The following FUT8 variants were observed in gnomAD, a reference collection of about 807,000 sequenced individuals.
FUT8 encodes alpha-(1,6)-fucosyltransferase.
FUT8 carries 29 observed loss-of-function variants against 71.3 expected under a neutral mutation model. The ratio of observed to expected loss-of-function variants is 0.41; its 90% CI spans 0.30 to 0.55. The LOEUF (loss-of-function observed/expected upper bound fraction) is 0.55, where lower values mean the gene tolerates loss of function less well. Ranked by LOEUF, FUT8 falls within the 20% of genes least tolerant of loss-of-function variation. The pLI, the probability that FUT8 is intolerant of heterozygous loss-of-function variation, is 0.34. For missense variants in FUT8, 544 were observed against 702.1 expected (o/e 0.77, Z 2.55); for synonymous variants, 254 against 239.3 (o/e 1.06, Z -0.57).
intron 5 of FUT8, among the ~76,000 whole-genome samples, chr14:65,628,835 A>C (rs1205943523): frequency 6.6e-6 from 1 of 152,238 alleles, no homozygotes; most frequent in East Asian, 1.9e-4. Flanking sequence ...CCCAGAGACC[A>C]AATCTGGCTC....
intron 7 of FUT8, among the ~76,000 whole-genome samples, chr14:65,704,761 T>C (rs765231872): frequency 1.3e-5 from 2 of 152,226 alleles, no homozygotes; most frequent in Non-Finnish European, 2.9e-5. Flanking sequence ...GCCTTCTGTT[T>C]AGTGGCATGA....
intron 3 of FUT8, among the ~76,000 whole-genome samples, chr14:65,610,815 T>A (rs1055694103): frequency 1.3e-5 from 2 of 151,980 alleles, no homozygotes; most frequent in African/African-American, 2.4e-5. Flanking sequence ...AGAATTACAT[T>A]GATTTATTTT....
chr14:65,452,382 A>T (rs1011846858), intron 1 of FUT8, among the ~76,000 whole-genome samples: 2 of 152,182 alleles, frequency 1.3e-5, no homozygotes, highest in African/African-American at 4.8e-5. Flanking sequence ...AAGCAGCAAA[A>T]GACATTGATC....
chr14:65,694,490 G>T (rs1893881949), intron 7 of FUT8, among the ~76,000 whole-genome samples: 1 of 152,040 alleles, frequency 6.6e-6, no homozygotes, highest in African/African-American at 2.4e-5. Context: ...AGCATACTTT[G>T]TATGATATCT....
chr14:65,498,698 A>T (rs1039126654), intron 2 of FUT8, among the ~76,000 whole-genome samples: 2 of 152,336 alleles, frequency 1.3e-5, no homozygotes, highest in East Asian at 3.9e-4. Context: ...TAAAACTTCT[A>T]GTAGGCTTTT....
At chr14:65,426,130 T>C (rs2065383265) in intron 1 of FUT8, among the ~76,000 whole-genome samples, 2 of 152,134 alleles carry the variant, frequency 1.3e-5, no homozygotes, top group South Asian at 4.1e-4. Context: ...ACCCCAGCCC[T>C]TGGCAACCAC....
chr14:65,372,152 A>G, the FUT8 span, among the ~76,000 whole-genome samples: 1 of 151,872 alleles, frequency 6.6e-6, no homozygotes, highest in Non-Finnish European at 1.5e-5. Context: ...TCCTGTTCCC[A>G]ATGCCACCTC....
rs370149990 is a variant in FUT8 at position 65,514,635 on chromosome 14, CTGTCT to C, written c.-227-46695_-227-46691del. Among the ~76,000 whole-genome samples the C allele has an allele frequency of 9.2e-5, 14 of 151,958 alleles. 3 individuals are homozygous for C. The highest frequency in any genetic ancestry group is 3.4e-4 in the African/African-American group (14 of 41,466). On this transcript the variant is annotated intron_variant, in intron 2 of 10. Transcript: ENST00000673929. ...GAATGTATCAATGTATCAATAGTTT[CTGTCT>C]TGTCTTCACCGCTGAGTAGGTATAC...
chr14:65,686,807 C>T (rs1354937418), intron 7 of FUT8, among the ~76,000 whole-genome samples: 5 of 151,996 alleles, frequency 3.3e-5, no homozygotes, highest in Non-Finnish European at 5.9e-5. Flanking sequence ...AAATTAGAAC[C>T]TTTATGTCAA....
chr14:65,542,983 T>C (rs1239961464), intron 2 of FUT8, among the ~76,000 whole-genome samples: 1 of 152,144 alleles, frequency 6.6e-6, no homozygotes, highest in African/African-American at 2.4e-5. Flanking sequence ...GGTTTCACCA[T>C]GTTGGTCAGG....
At chr14:65,479,587 A>G (rs1321245487) in intron 2 of FUT8, 3 of 149,374 alleles carry the variant, frequency 2.0e-5, no homozygotes, top group African/African-American at 7.5e-5. Flanking sequence ...TCCTACTTCC[A>G]CTTTCTCCCG....
chr14:65,628,037 G>A (rs1566861389), intron 5 of FUT8, among the ~76,000 whole-genome samples: 1 of 152,086 alleles, frequency 6.6e-6, no homozygotes, highest in African/African-American at 2.4e-5. Flanking sequence ...TTTTAAGTGG[G>A]ATAATCTGGG....
At chr14:65,741,870 T>C (rs182942600) in intron 10 of FUT8, among the ~76,000 whole-genome samples, 64 of 152,114 alleles carry the variant, frequency 4.2e-4, no homozygotes, top group African/African-American at 1.5e-3. Flanking sequence ...ATTGTAATAA[T>C]CTTTCGTGAG....
At chr14:65,383,459 G>A in the FUT8 span, among the ~76,000 whole-genome samples, 1 of 151,912 alleles carries the variant, frequency 6.6e-6, no homozygotes, top group Non-Finnish European at 1.5e-5. Context: ...ATTTTTAGTA[G>A]AGACGGGGTT....
chr14:65,624,923 G>A (rs549464562), intron 5 of FUT8, among the ~76,000 whole-genome samples: 7 of 152,254 alleles, frequency 4.6e-5, no homozygotes, highest in South Asian at 4.1e-4. Flanking sequence ...AAAATTAGCC[G>A]GGTGTGGTGG....
intron 6 of FUT8, among the ~76,000 whole-genome samples, chr14:65,631,436 C>T (rs1188889931): frequency 6.6e-6 from 1 of 151,802 alleles, no homozygotes; most frequent in Non-Finnish European, 1.5e-5. Flanking sequence ...TAATTTGATC[C>T]TCTATATGCT....
At chr14:65,509,856 A>G (rs1009246796) in intron 2 of FUT8, among the ~76,000 whole-genome samples, 1 of 152,130 alleles carries the variant, frequency 6.6e-6, no homozygotes, top group African/African-American at 2.4e-5. Context: ...TGTTTTTCCA[A>G]ATATATGATC....
chr14:65,680,564 CT>C (rs1371130404), intron 7 of FUT8, among the ~76,000 whole-genome samples: 8 of 152,164 alleles, frequency 5.3e-5, no homozygotes, highest in African/African-American at 1.9e-4. Context: ...TATCCTTACA[CT>C]TTAAATTTTT....
intron 3 of FUT8, among the ~76,000 whole-genome samples, chr14:65,580,060 G>A (rs1276815997): frequency 1.8e-5 from 2 of 109,172 alleles, no homozygotes; most frequent in Admixed American, 1.0e-4. Context: ...AATACTGATA[G>A]TGCTATATTT....
Sources: gnomAD v4.1 joint callset for allele counts (sites outside exome capture counted in the v4.1 genomes callset) on GRCh38, gnomAD v4.1.1 for gene constraint, MANE v1.5 for transcripts, NCBI Gene and HGNC (gene_info 2026-07-23, HGNC 2026-07-21) for gene names.